RAF1: variants seen among roughly 807,000 people sequenced by gnomAD.
RAF1 encodes the protein Raf-1 proto-oncogene, serine/threonine kinase.
A neutral mutation model predicts 81.1 loss-of-function variants in RAF1; 27 were observed. The ratio of observed to expected loss-of-function variants is 0.33; its 90% CI spans 0.25 to 0.46. The LOEUF (loss-of-function observed/expected upper bound fraction) is 0.46, where lower values mean the gene tolerates loss of function less well. Among genes scored for constraint, RAF1 ranks in the 20% least tolerant of loss-of-function variants. The probability of loss-of-function intolerance (pLI) is 1.00; values close to 1 mark genes in which losing one functional copy is unlikely to be tolerated. For missense variants in RAF1, 598 were observed against 826.0 expected, an observed-to-expected ratio of 0.72 and a Z score of 3.38; for synonymous variants, 298 against 294.0, an observed-to-expected ratio of 1.01 and a Z score of -0.14.
intron 2 of RAF1, among the ~76,000 whole-genome samples, chr3:12,613,103 T>C (rs2059267338): frequency 6.6e-6 from 1 of 152,160 alleles, no homozygotes; most frequent in Admixed American, 6.5e-5. Flanking sequence ...TACTTCTCTA[T>C]ATTCCCCTGT....
chr3:12,626,724 G>GT (rs926142765), intron 1 of RAF1, among the ~76,000 whole-genome samples: 3 of 151,974 alleles, frequency 2.0e-5, no homozygotes, highest in African/African-American at 7.2e-5. Context: ...TTTTGTTGTT[G>GT]TTTTTTAAAG....
intron 5 of RAF1, chr3:12,608,351 C>A: frequency 6.1e-6 from 1 of 165,146 alleles, no homozygotes; most frequent in East Asian, 1.7e-4. Flanking sequence ...AAGAAAATAG[C>A]ATCAACGGTG....
chr3:12,632,248 C>T (rs1198167495), intron 1 of RAF1, among the ~76,000 whole-genome samples: 3 of 144,596 alleles, frequency 2.1e-5, no homozygotes, highest in Admixed American at 7.3e-5. Context: ...TGTTTGAACC[C>T]GGGAGGCAGA....
At chr3:12,659,014 C>G (rs1470400691) in intron 1 of RAF1, among the ~76,000 whole-genome samples, 1 of 152,088 alleles carries the variant, frequency 6.6e-6, no homozygotes, top group Non-Finnish European at 1.5e-5. Context: ...GCAAGTCATT[C>G]TGGGAGAAAA....
chr3:12,593,414 G>A (rs991452858), intron 11 of RAF1, among the ~76,000 whole-genome samples: 11 of 142,482 alleles, frequency 7.7e-5, no homozygotes, highest in Non-Finnish European at 1.2e-4. Context: ...AAAATTGGTA[G>A]AGAGATGGTC....
intron 14 of RAF1, among the ~76,000 whole-genome samples, chr3:12,586,621 C>T (rs1054305781): frequency 6.6e-6 from 1 of 152,152 alleles, no homozygotes; most frequent in Non-Finnish European, 1.5e-5. Flanking sequence ...ACTATCATGC[C>T]TCTCACTGCT....
At chr3:12,630,495 C>A (rs1348007946) in intron 1 of RAF1, among the ~76,000 whole-genome samples, 3 of 152,134 alleles carry the variant, frequency 2.0e-5, no homozygotes, top group African/African-American at 7.2e-5. Context: ...GGGAGGCAGA[C>A]TGCAATTACA....
chr3:12,636,724 T>C (rs931477386), intron 1 of RAF1, among the ~76,000 whole-genome samples: 2 of 151,854 alleles, frequency 1.3e-5, no homozygotes, highest in Admixed American at 6.6e-5. Flanking sequence ...GGAGAATCAC[T>C]TGAGCCTGGG....
intron 11 of RAF1, among the ~76,000 whole-genome samples, chr3:12,592,691 G>C (rs1369129662): frequency 6.6e-6 from 1 of 151,152 alleles, no homozygotes; most frequent in African/African-American, 2.4e-5. Flanking sequence ...ACACATCCAG[G>C]GATCCATTCC....
chr3:12,636,052 G>A (rs997051636), intron 1 of RAF1, among the ~76,000 whole-genome samples: 10 of 151,970 alleles, frequency 6.6e-5, no homozygotes, highest in Non-Finnish European at 1.5e-4. Context: ...TTGGGAGGCC[G>A]AGGTGAGTGG....
At chr3:12,615,458 A>G (rs747601167) in intron 2 of RAF1, among the ~76,000 whole-genome samples, 12 of 152,200 alleles carry the variant, frequency 7.9e-5, no homozygotes, top group Non-Finnish European at 1.5e-4. Context: ...CTGAGTGATT[A>G]TGAGAGTCAT....
chr3:12,629,472 A>G (rs1385585082), intron 1 of RAF1, among the ~76,000 whole-genome samples: 1 of 152,236 alleles, frequency 6.6e-6, no homozygotes, highest in Non-Finnish European at 1.5e-5. Context: ...CTTATTATGT[A>G]TCAGTTCTTT....
At chr3:12,606,981 G>A (rs1389590896) in intron 5 of RAF1, among the ~76,000 whole-genome samples, 2 of 152,122 alleles carry the variant, frequency 1.3e-5, no homozygotes, top group South Asian at 2.1e-4. Context: ...GTGAGCCACC[G>A]CGCCCGGCCC....
intron 2 of RAF1, among the ~76,000 whole-genome samples, chr3:12,616,380 TC>T (rs1333881430): frequency 6.6e-6 from 1 of 152,162 alleles, no homozygotes; most frequent in East Asian, 1.9e-4. Context: ...ACACTTCCTA[TC>T]TGACTTCTCA....
chr3:12,642,018 G>A (rs927755214), intron 1 of RAF1, among the ~76,000 whole-genome samples: 16 of 151,940 alleles, frequency 1.1e-4, no homozygotes, highest in Non-Finnish European at 2.2e-4. Flanking sequence ...CATAGTGGCA[G>A]GCACCTGTAA....
chr3:12,600,071 ATAAGTT>A, intron 10 of RAF1, 75 bp downstream of exon 9: 1 of 1,577,608 alleles, frequency 6.3e-7, no homozygotes, highest in Non-Finnish European at 8.7e-7. Context: ...TTCTCCCAAA[ATAAGTT>A]TAAGTATTCT....
intron 1 of RAF1, among the ~76,000 whole-genome samples, chr3:12,662,723 A>G (rs769642765): frequency 2.0e-5 from 3 of 152,000 alleles, no homozygotes; most frequent in Non-Finnish European, 4.4e-5. Context: ...GCACTTACTC[A>G]CAGGTGTTTC....
intron 1 of RAF1, among the ~76,000 whole-genome samples, chr3:12,622,183 GT>G (rs2125465042): frequency 6.6e-6 from 1 of 152,056 alleles, no homozygotes; most frequent in South Asian, 2.1e-4. Context: ...AGATCTTTGA[GT>G]TTTTTTCCAA....
chr3:12,618,389 A>T (rs1372628949), intron 2 of RAF1, 126 bp downstream of exon 2: 11 of 990,588 alleles, frequency 1.1e-5, no homozygotes, highest in Non-Finnish European at 1.5e-5. Flanking sequence ...ATCTGCAGTT[A>T]GAAAAAAAAA....
Sources: gnomAD v4.1 joint callset for allele counts (sites outside exome capture counted in the v4.1 genomes callset) on GRCh38, gnomAD v4.1.1 for gene constraint, MANE v1.5 for transcripts, NCBI Gene and HGNC (gene_info 2026-07-23, HGNC 2026-07-21) for gene names.